Variants in CBX5 observed in about 807,000 individuals in gnomAD.
The protein encoded by CBX5 is chromobox protein homolog 5.
A neutral mutation model predicts 20.7 loss-of-function variants in CBX5; 7 were observed. The ratio of observed to expected loss-of-function variants is 0.34; its 90% CI spans 0.19 to 0.63. The LOEUF (loss-of-function observed/expected upper bound fraction) is 0.63, where lower values mean the gene tolerates loss of function less well. CBX5 is among the 30% of genes least tolerant of loss of function. CBX5 has a pLI of 0.75. For missense variants in CBX5, 110 were observed against 224.1 expected (o/e 0.49, Z 3.25); for synonymous variants, 78 against 77.0 (o/e 1.01, Z -0.07).
At chr12:54,259,514 C>T (rs1943895200) in intron 1 of CBX5, 1 of 152,670 alleles carries the variant, frequency 6.6e-6, no homozygotes, top group African/African-American at 2.4e-5. Flanking sequence ...CCTACCGGAT[C>T]GCCCCAGTTC....
chr12:54,245,937 G>C (rs960115493), intron 4 of CBX5, among the ~76,000 whole-genome samples, 178 bp downstream of exon 4: 1 of 152,112 alleles, frequency 6.6e-6, no homozygotes, highest in African/African-American at 2.4e-5. Flanking sequence ...GAGTGAGATC[G>C]CACCACTGTA....
In CBX5 at chr12:54,240,448, A is replaced by T. The variant is rs1222682279; in HGVS notation, c.*1307T>A. ...CACTACATTGCCCAGGCTGGTCTCA[A>T]ACTTCTGGCTTCAAGCAATTCTCCT... On this transcript the variant is annotated 3_prime_UTR_variant, in exon 5 of 5. Transcript: ENST00000209875. 6.6e-6 allele frequency: 1 copy of T among 152,082 alleles called. No homozygotes were observed. The highest frequency in any genetic ancestry group is 2.4e-5 in the African/African-American group (1 of 41,390). 9.4% of individuals were successfully genotyped at this position (152,082 alleles called of 1,614,324 possible). A position where few individuals can be genotyped will look rare whatever the true frequency, so the allele number is the denominator to read the frequency against.
intron 2 of CBX5, among the ~76,000 whole-genome samples, chr12:54,253,794 ACTCT>A (rs1451933450): frequency 1.5e-4 from 22 of 146,048 alleles, no homozygotes; most frequent in African/African-American, 3.8e-4. Flanking sequence ...ATGGAGTCTC[ACTCT>A]GTCTTGCAGG....
chr12:54,277,654 T>A (rs1438385190), intron 1 of CBX5, among the ~76,000 whole-genome samples: 1 of 152,210 alleles, frequency 6.6e-6, no homozygotes, highest in Non-Finnish European at 1.5e-5. Context: ...GTAAAAATTT[T>A]AATAAAAATT....
chr12:54,255,002 G>T (rs1417586714), intron 2 of CBX5, among the ~76,000 whole-genome samples: 3 of 152,176 alleles, frequency 2.0e-5, no homozygotes, highest in Non-Finnish European at 4.4e-5. Context: ...GAATACACTT[G>T]GGGGTTGGGA....
Position 54,237,566 on chromosome 12 carries a change from G to A in CBX5, c.*4189C>T, listed in dbSNP as rs1055292676. On this transcript the variant is annotated 3_prime_UTR_variant, in exon 5 of 5. Coordinates refer to ENST00000209875, the MANE Select transcript of CBX5 (RefSeq NM_012117.3). The stretch of plus-strand genomic sequence containing the variant: ...ATGTCCCCAAACCAAACTTAACAAA[G>A]CTAATGACTGCTTCTCAGTAATTCA... 2 of 152,792 alleles carry A rather than the reference G, an allele frequency of 1.3e-5. No homozygotes were observed. Among genetic ancestry groups the A allele is most frequent in the African/African-American group, 2.4e-5 (1 of 41,428 alleles). 9.5% of individuals were successfully genotyped at this position (152,792 alleles called of 1,614,324 possible). A position where few individuals can be genotyped will look rare whatever the true frequency, so the allele number is the denominator to read the frequency against.
chr12:54,241,724 C>T lies in CBX5; in HGVS notation c.*31G>A, dbSNP rs1943678626. ...GGCAGGGAGGTGAATGTATTATGTA[C>T]AAAGAGAAATGACAGAGACCATCCC... On this transcript the variant is annotated 3_prime_UTR_variant, in exon 5 of 5. Transcript: ENST00000209875. The T allele has an allele frequency of 6.3e-7, 1 of 1,598,058 alleles. No homozygotes were observed. The highest frequency in any genetic ancestry group is 8.5e-7 in the Non-Finnish European group (1 of 1,173,758).
intron 4 of CBX5, 35 bp from the exon 5 acceptor site, chr12:54,241,940 G>A (rs760211728): frequency 4.4e-6 from 7 of 1,597,954 alleles, no homozygotes; most frequent in Non-Finnish European, 5.1e-6. Context: ...AAAAGGAGAG[G>A]AAGAGTGAAA....
Position 54,263,851 on chromosome 12 carries a change from G to A in CBX5, c.-42-6159C>T, listed in dbSNP as rs536443127. On this transcript the variant is annotated intron_variant, in intron 1 of 4. Coordinates refer to ENST00000209875, the MANE Select transcript of CBX5 (RefSeq NM_012117.3). ...GAGGTCAGGAGATTGAGACCATCCT[G>A]GCTAACATGGTGAAACCCTGTCTCT... 9.9e-5 allele frequency among the ~76,000 whole-genome samples: 15 copies of A among 151,022 alleles called. 1 individual carries two copies. In the South Asian group the frequency reaches 2.7e-3, roughly 27 times the overall value.
chr12:54,231,719 T>C lies in CBX5; in HGVS notation c.*10036A>G, dbSNP rs1943571620. Reference sequence around the variant, plus strand: ...AAAAAGGTCAAGGTTAGGTTCAGACTGCAGACACTAAGAGATGACAGATGT... The same window carrying C: ...AAAAAGGTCAAGGTTAGGTTCAGACCGCAGACACTAAGAGATGACAGATGT... On this transcript the variant is annotated 3_prime_UTR_variant, in exon 5 of 5. Transcript: ENST00000209875. 1 of 152,248 alleles carries C rather than the reference T, an allele frequency of 6.6e-6. No individual in the cohort carries two copies. Among genetic ancestry groups the C allele is most frequent in the African/African-American group, 2.4e-5 (1 of 41,444 alleles). 9.4% of individuals were successfully genotyped at this position (152,248 alleles called of 1,614,324 possible).
chr12:54,263,837 A>AT (rs2137026113), intron 1 of CBX5, among the ~76,000 whole-genome samples: 1 of 150,544 alleles, frequency 6.6e-6, no homozygotes, highest in African/African-American at 2.4e-5. Context: ...AGGTCAGGAG[A>AT]TTGAGACCAT....
In CBX5 at chr12:54,240,418, G is replaced by T. The variant is rs1383764295; in HGVS notation, c.*1337C>A. ...TTATTTATATTTTTTAGAGACAGGG[G>T]GTCTCACTACATTGCCCAGGCTGGT... On this transcript the variant is annotated 3_prime_UTR_variant, in exon 5 of 5. Coordinates refer to ENST00000209875, the MANE Select transcript of CBX5 (RefSeq NM_012117.3). 2.0e-5 allele frequency: 3 copies of T among 152,028 alleles called. No individual in the cohort carries two copies. Among genetic ancestry groups the T allele is most frequent in the African/African-American group, 4.8e-5 (2 of 41,364 alleles). The allele number at this position is 152,028 out of a possible 1,614,324, so 9.4% of individuals were successfully genotyped here. A position where few individuals can be genotyped will look rare whatever the true frequency, so the allele number is the denominator to read the frequency against.
chr12:54,239,427 C>T lies in CBX5; in HGVS notation c.*2328G>A, dbSNP rs558721628. On this transcript the variant is annotated 3_prime_UTR_variant, in exon 5 of 5. Coordinates refer to ENST00000209875, the MANE Select transcript of CBX5 (RefSeq NM_012117.3). ...TGCTACTGGGAGGCATACACTGGGC[C>T]ACTTGGATAGGCTGTCATTTTCTGC... 1 of 152,262 alleles carries T rather than the reference C, an allele frequency of 6.6e-6. No homozygotes were observed. Among genetic ancestry groups the T allele is most frequent in the East Asian group, 1.9e-4 (1 of 5,186 alleles). 9.4% of individuals were successfully genotyped at this position (152,262 alleles called of 1,614,324 possible).
At chr12:54,250,078 T>A (rs556756079) in intron 3 of CBX5, among the ~76,000 whole-genome samples, 2 of 151,776 alleles carry the variant, frequency 1.3e-5, no homozygotes, top group African/African-American at 2.4e-5. Flanking sequence ...CAAAATTAGC[T>A]GGGCATGGTG....
intron 4 of CBX5, among the ~76,000 whole-genome samples, chr12:54,242,999 T>C (rs4759349): frequency 0.49 from 74,459 of 151,592 alleles, 19,497 homozygotes; most frequent in African/African-American, 0.67. Context: ...TGGTGCATGC[T>C]TGTGGTCCCA....
rs147308778 is a variant in CBX5 at position 54,267,771 on chromosome 12, C to T, written c.-42-10079G>A. Among the ~76,000 whole-genome samples the T allele has an allele frequency of 2.7e-3, 412 of 152,276 alleles. 6 individuals are homozygous for T. The highest frequency in any genetic ancestry group is 0.022 in the Admixed American group (334 of 15,282). On this transcript the variant is annotated intron_variant, in intron 1 of 4. Coordinates refer to ENST00000209875, the MANE Select transcript of CBX5 (RefSeq NM_012117.3). ...ACCTCGTGTTGTGATCCACTCACCCCGGCCTCCCAAAGTGCTGGGATTACA... is the reference window on the plus strand; with the variant it reads ...ACCTCGTGTTGTGATCCACTCACCCTGGCCTCCCAAAGTGCTGGGATTACA...
chr12:54,273,634 A>C (rs926832565), intron 1 of CBX5: 12 of 152,210 alleles, frequency 7.9e-5, no homozygotes, highest in East Asian at 1.9e-4. Flanking sequence ...GTTCTGATGC[A>C]AGTACTCAAA....
Position 54,241,547 on chromosome 12 carries a change from C to T in CBX5, c.*208G>A, listed in dbSNP as rs1325368955. 3.8e-6 allele frequency: 2 copies of T among 532,590 alleles called. No homozygotes were observed. Among genetic ancestry groups the T allele is most frequent in the Non-Finnish European group, 6.5e-6 (2 of 306,174 alleles). 33.0% of individuals were successfully genotyped at this position (532,590 alleles called of 1,614,324 possible). A position where few individuals can be genotyped will look rare whatever the true frequency, so the allele number is the denominator to read the frequency against. Reference sequence around the variant, plus strand: ...GGGTATTACACTCAGTATGTAAATGCCTGGTCTTCACAGAGAGACACTTAT... The same window carrying T: ...GGGTATTACACTCAGTATGTAAATGTCTGGTCTTCACAGAGAGACACTTAT... On this transcript the variant is annotated 3_prime_UTR_variant, in exon 5 of 5. Transcript: ENST00000209875.
rs991639017 is a variant in CBX5, at chr12:54,232,088, G to GT, written c.*9666dup. On this transcript the variant is annotated 3_prime_UTR_variant, in exon 5 of 5. Coordinates refer to ENST00000209875, the MANE Select transcript of CBX5 (RefSeq NM_012117.3). ...CCCAACCTGCAGAGAGAAATACGCAGTAGCATCCCTGCCTCACGATTCCCT... is the reference window on the plus strand; with the variant it reads ...CCCAACCTGCAGAGAGAAATACGCAGTTAGCATCCCTGCCTCACGATTCCCT... 4 of 152,326 alleles carry GT rather than the reference G, an allele frequency of 2.6e-5. No homozygotes were observed. The highest frequency in any genetic ancestry group is 2.9e-5 in the Non-Finnish European group (2 of 68,054). 9.4% of individuals were successfully genotyped at this position (152,326 alleles called of 1,614,324 possible).
Sources: allele counts gnomAD v4.1 joint callset (sites outside exome capture counted in the v4.1 genomes callset), GRCh38; gene constraint gnomAD v4.1.1; transcripts MANE v1.5; gene names NCBI Gene and HGNC (gene_info 2026-07-23, HGNC 2026-07-21).